Variants in ANKIB1 observed in about 807,000 individuals in gnomAD.
ANKIB1 encodes ankyrin repeat and IBR domain containing 1, also known as ankyrin repeat and IBR domain-containing protein 1.
A neutral mutation model predicts 122.1 loss-of-function variants in ANKIB1; 43 were observed. The observed-to-expected ratio is 0.35, with a 90% CI of 0.28 to 0.45. ANKIB1 has a LOEUF of 0.45. Ranked by LOEUF, ANKIB1 falls within the 20% of genes least tolerant of loss-of-function variation. ANKIB1 has a pLI of 1.00. For missense variants in ANKIB1, 992 were observed against 1,329.5 expected, an observed-to-expected ratio of 0.75 and a Z score of 3.95; for synonymous variants, 390 against 442.0, an observed-to-expected ratio of 0.88 and a Z score of 1.48.
At chr7:92,331,689 C>T (rs1390257768) in intron 5 of ANKIB1, among the ~76,000 whole-genome samples, 1 of 152,114 alleles carries the variant, frequency 6.6e-6, no homozygotes, top group Non-Finnish European at 1.5e-5. Flanking sequence ...TTTTATGAGC[C>T]ACTCCTGTAA....
At chr7:92,291,910 T>C (rs911430154) in intron 1 of ANKIB1, among the ~76,000 whole-genome samples, 1 of 152,146 alleles carries the variant, frequency 6.6e-6, no homozygotes, top group African/African-American at 2.4e-5. Flanking sequence ...TAAATACTTA[T>C]TAAGTGCTGT....
At chr7:92,340,212 G>A (rs913114489) in intron 5 of ANKIB1, among the ~76,000 whole-genome samples, 3 of 152,012 alleles carry the variant, frequency 2.0e-5, no homozygotes, top group African/African-American at 7.3e-5. Context: ...GCCCAACCTT[G>A]GGTCTAAGTA....
intron 3 of ANKIB1, among the ~76,000 whole-genome samples, chr7:92,318,563 A>G (rs1802840368): frequency 6.6e-6 from 1 of 152,194 alleles, no homozygotes; most frequent in Admixed American, 6.5e-5. Flanking sequence ...GAGTTGTCCT[A>G]GACATGGCTT....
At chr7:92,276,695 T>C (rs1394577313) in intron 1 of ANKIB1, among the ~76,000 whole-genome samples, 1 of 152,242 alleles carries the variant, frequency 6.6e-6, no homozygotes, top group Non-Finnish European at 1.5e-5. Context: ...TTCTGCATTT[T>C]AGTTTCGTTT....
intron 18 of ANKIB1, 63 bp from the exon 19 acceptor site, chr7:92,397,660 G>GA (rs1804929086): frequency 1.9e-6 from 3 of 1,591,370 alleles, no homozygotes; most frequent in South Asian, 2.2e-5. Flanking sequence ...CCAGATGTAT[G>GA]AAAAAAATAA....
At chr7:92,374,292 C>T (rs954119538) in intron 11 of ANKIB1, among the ~76,000 whole-genome samples, 1 of 152,098 alleles carries the variant, frequency 6.6e-6, no homozygotes, top group African/African-American at 2.4e-5. Flanking sequence ...TCCTGGCCAA[C>T]ATAGTGAAGC....
intron 2 of ANKIB1, among the ~76,000 whole-genome samples, chr7:92,295,526 C>A (rs796554368): frequency 2.4e-4 from 36 of 152,158 alleles, no homozygotes; most frequent in African/African-American, 8.7e-4. Flanking sequence ...ATTTAATTTA[C>A]AACATTTCAA....
intron 1 of ANKIB1, among the ~76,000 whole-genome samples, chr7:92,255,355 G>A (rs1801414589): frequency 6.6e-6 from 1 of 152,178 alleles, no homozygotes; most frequent in Non-Finnish European, 1.5e-5. Flanking sequence ...AATAAACAAG[G>A]GGGATTATTT....
At position 92,401,171 on chromosome 7, in the gene ANKIB1, T is replaced by C. The variant is rs1274936361; in HGVS notation, c.*2222T>C. 6.6e-6 allele frequency: 1 copy of C among 152,268 alleles called. No individual in the cohort carries two copies. The highest frequency in any genetic ancestry group is 1.9e-4 in the East Asian group (1 of 5,206). The allele number at this position is 152,268 out of a possible 1,614,324, so 9.4% of individuals were successfully genotyped here. A position where few individuals can be genotyped will look rare whatever the true frequency, so the allele number is the denominator to read the frequency against. Reference sequence around the variant, plus strand: ...TGACTTTACAATTCAGTAATGAAGTTTGGCAAAGCCTATTTTGTAAACAAG... The same window carrying C: ...TGACTTTACAATTCAGTAATGAAGTCTGGCAAAGCCTATTTTGTAAACAAG... On this transcript the variant is annotated 3_prime_UTR_variant, in exon 20 of 20. Coordinates refer to ENST00000265742, the MANE Select transcript of ANKIB1 (RefSeq NM_019004.2).
intron 5 of ANKIB1, among the ~76,000 whole-genome samples, chr7:92,330,954 T>G (rs551037832): frequency 1.3e-5 from 2 of 152,308 alleles, no homozygotes; most frequent in Admixed American, 1.3e-4. Context: ...AAATTGTGTT[T>G]CATTATGTTA....
chr7:92,371,951 GTGTGTGTGTGTGTGTGTGT>G (rs1804268127), intron 11 of ANKIB1, among the ~76,000 whole-genome samples: 1 of 2,542 alleles, frequency 3.9e-4, no homozygotes, highest in African/African-American at 1.0e-3. Flanking sequence ...TGAGAGAGGG[GTGTGTGTGTGTGTGTGTGT>G]GTGTGTGTGT....
chr7:92,382,296 T>A (rs994955753), intron 11 of ANKIB1, among the ~76,000 whole-genome samples: 14 of 152,126 alleles, frequency 9.2e-5, no homozygotes, highest in Non-Finnish European at 1.6e-4. Flanking sequence ...AATGGGAGAC[T>A]TTAACACCCC....
chr7:92,250,790 A>G (rs1232445611), intron 1 of ANKIB1, among the ~76,000 whole-genome samples: 1 of 152,220 alleles, frequency 6.6e-6, no homozygotes, highest in Non-Finnish European at 1.5e-5. Context: ...TCTGTCTAAT[A>G]CTTTTTCAGA....
At position 92,295,162 on chromosome 7, in the gene ANKIB1, T is replaced by C; in HGVS notation, c.184T>C (p.Leu62=). 1 of 1,543,924 alleles carries C rather than the reference T, an allele frequency of 6.5e-7. No homozygotes were observed. Among genetic ancestry groups the C allele is most frequent in the Non-Finnish European group, 8.8e-7 (1 of 1,142,752 alleles). Residue 62 remains leucine, a synonymous_variant, in exon 2 of 20, where the codon TTA becomes CTA. Coordinates refer to ENST00000265742, the MANE Select transcript of ANKIB1 (RefSeq NM_019004.2). ...YAARHGMNKI[L]GTFLGRDGNP... is the part of the protein sequence containing the mutation. ...TGCTAGACATGGAATGAATAAAATA[T>C]TAGGGTAAGTATTACTATAAACTAA...
In ANKIB1 at chr7:92,398,474, T is replaced by G. The variant is rs1252556003; in HGVS notation, c.2795T>G (p.Phe932Cys). The change falls in exon 20 of 20, where the codon TTT becomes TGT. Residue 932 changes from phenylalanine (F) to cysteine (C), a missense_variant. This residue lies in a region of ANKIB1 where 384 missense variants were observed against 412.0 expected (regional missense o/e 0.93). Transcript: ENST00000265742. Reference protein sequence around the residue: ...LMRLGAENDPFSTDTLSSHPL... With the variant: ...LMRLGAENDPCSTDTLSSHPL... ...AGACTAGGAGCAGAGAATGACCCAT[T>G]TTCAACTGACACCCTGAGCTCACAC... The G allele has an allele frequency of 5.0e-6, 8 of 1,613,930 alleles. No homozygotes were observed. Among genetic ancestry groups the G allele is most frequent in the Non-Finnish European group, 5.9e-6 (7 of 1,179,858 alleles).
chr7:92,246,480 C>T lies in ANKIB1; in HGVS notation c.-130C>T. On this transcript the variant is annotated 5_prime_UTR_variant, in exon 1 of 20. Coordinates refer to ENST00000265742, the MANE Select transcript of ANKIB1 (RefSeq NM_019004.2). ...CGGCGGAGGCGGAACTGCGGAGTTG[C>T]TGGGTCCACCGACCCTTACCCTCAG... is the stretch of plus-strand genomic sequence containing the variant. 1.9e-6 allele frequency: 1 copy of T among 518,468 alleles called. No individual in the cohort carries two copies. Among genetic ancestry groups the T allele is most frequent in the Non-Finnish European group, 3.8e-6 (1 of 259,816 alleles). 32.1% of individuals were successfully genotyped at this position (518,468 alleles called of 1,614,324 possible).
rs1802775312 is a variant in ANKIB1, at chr7:92,315,371, T to C, written c.487-3959T>C. ...CTAAAGTGTTAGGGAATAAAGAATA[T>C]AGACACTCATTTAGAATTTAGAATT... On this transcript the variant is annotated intron_variant, in intron 3 of 19. Coordinates refer to ENST00000265742, the MANE Select transcript of ANKIB1 (RefSeq NM_019004.2). Among the ~76,000 whole-genome samples, 3 of 152,188 alleles carry C rather than the reference T, an allele frequency of 2.0e-5. No individual in the cohort carries two copies. The South Asian group carries it at 6.2e-4, about 31-fold the overall frequency.
chr7:92,333,204 C>T (rs1009961489), intron 5 of ANKIB1, among the ~76,000 whole-genome samples: 8 of 152,310 alleles, frequency 5.3e-5, no homozygotes, highest in South Asian at 2.1e-4. Context: ...CTTCCTATCT[C>T]TAGTCCCGAT....
At chr7:92,345,583 C>T (rs1050425923) in intron 7 of ANKIB1, among the ~76,000 whole-genome samples, 4 of 152,186 alleles carry the variant, frequency 2.6e-5, no homozygotes, top group Non-Finnish European at 5.9e-5. Flanking sequence ...TCTCTATTTA[C>T]CCTTCCCGTT....
Sources: gnomAD v4.1 joint callset for allele counts (sites outside exome capture counted in the v4.1 genomes callset) on GRCh38, gnomAD v4.1.1 for gene constraint, gnomAD v4.1.1 regional missense constraint, MANE v1.5 for transcripts, NCBI Gene and HGNC (gene_info 2026-07-23, HGNC 2026-07-21) for gene names.